CPLX2: variants seen among roughly 807,000 people sequenced by gnomAD.
CPLX2 encodes the protein complexin 2.
A neutral mutation model predicts 16.3 loss-of-function variants in CPLX2; 5 were observed. The observed-to-expected ratio is 0.31, with a 90% CI of 0.16 to 0.64. The LOEUF is 0.64. CPLX2 is among the 30% of genes least tolerant of loss of function. The pLI, the probability that CPLX2 is intolerant of heterozygous loss-of-function variation, is 0.79. For missense variants in CPLX2, 144 were observed against 181.4 expected (o/e 0.79, Z 1.18); for synonymous variants, 89 against 73.2 (o/e 1.22, Z -1.10).
At chr5:175,799,932 A>C (rs756349126) in intron 1 of CPLX2, among the ~76,000 whole-genome samples, 3 of 152,032 alleles carry the variant, frequency 2.0e-5, no homozygotes, top group Non-Finnish European at 2.9e-5. Flanking sequence ...CATGAGCAAA[A>C]GGCTGCACAG....
rs70988300 is a variant in CPLX2 at position 175,818,650 on chromosome 5, C to CTTTTTTTTTTT, written c.-89+9601_-89+9611dup. On this transcript the variant is annotated intron_variant, in intron 2 of 4. Transcript: ENST00000359546. ...CTGCAAAAGGAGCTGCTGTCCCAAC[C>CTTTTTTTTTTT]TTTTTTTTTTTTTTTTTTTTTTTTT... Among the ~76,000 whole-genome samples, 6 of 50,808 alleles carry CTTTTTTTTTTT rather than the reference C, an allele frequency of 1.2e-4. 1 individual carries two copies. Among genetic ancestry groups the CTTTTTTTTTTT allele is most frequent in the African/African-American group, 3.7e-4 (5 of 13,494 alleles). The allele number at this position is 50,808 out of a possible 152,430, so 33.3% of individuals were successfully genotyped here.
At chr5:175,835,362 G>A (rs925458397) in intron 2 of CPLX2, among the ~76,000 whole-genome samples, 3 of 152,194 alleles carry the variant, frequency 2.0e-5, no homozygotes, top group African/African-American at 7.2e-5. Context: ...ATGCCTCACT[G>A]GTAAATTCTA....
chr5:175,800,922 G>A lies in CPLX2; in HGVS notation c.-169+4138G>A, dbSNP rs575950636. ...CCTGAATGACAAAAGTCAGTCATGT[G>A]ACAACGTGGGGCAGCACACTCCAGG... On this transcript the variant is annotated intron_variant, in intron 1 of 4. Coordinates refer to the CPLX2 transcript ENST00000359546. Among the ~76,000 whole-genome samples the A allele has an allele frequency of 3.3e-5, 5 of 152,348 alleles. No homozygotes were observed. In the South Asian group the frequency reaches 1.0e-3, roughly 32 times the overall value.
intron 1 of CPLX2, among the ~76,000 whole-genome samples, chr5:175,807,925 C>T (rs771812271): frequency 2.6e-5 from 4 of 152,192 alleles, no homozygotes; most frequent in East Asian, 1.9e-4. Context: ...CTGGGCCAAC[C>T]GTTCATGCCT....
intron 1 of CPLX2, among the ~76,000 whole-genome samples, chr5:175,797,376 C>T (rs1213837996): frequency 9.0e-6 from 1 of 111,114 alleles, no homozygotes; most frequent in Non-Finnish European, 1.8e-5. Context: ...TGGCGGGGCC[C>T]AGCTAAGAGT....
intron 1 of CPLX2, among the ~76,000 whole-genome samples, chr5:175,803,601 G>A (rs1758139916): frequency 6.6e-6 from 1 of 152,234 alleles, no homozygotes; most frequent in Non-Finnish European, 1.5e-5. Context: ...TGAGCAAGGA[G>A]GAGAGTCACA....
chr5:175,799,390 C>T (rs1210372414), intron 1 of CPLX2, among the ~76,000 whole-genome samples: 1 of 151,796 alleles, frequency 6.6e-6, no homozygotes, highest in Non-Finnish European at 1.5e-5. Flanking sequence ...GATCTTTGAA[C>T]TCATAAACTT....
intron 2 of CPLX2, among the ~76,000 whole-genome samples, chr5:175,848,848 T>C (rs1759098904): frequency 6.6e-6 from 1 of 152,024 alleles, no homozygotes; most frequent in African/African-American, 2.4e-5. Context: ...GCAGAGAGCA[T>C]GTGCAAAGGT....
At chr5:175,800,978 T>G (rs1758082843) in intron 1 of CPLX2, among the ~76,000 whole-genome samples, 1 of 151,960 alleles carries the variant, frequency 6.6e-6, no homozygotes, top group African/African-American at 2.4e-5. Flanking sequence ...GAGGCCCTAA[T>G]GTGAGCCTGG....
chr5:175,857,956 G>A (rs560558950), intron 2 of CPLX2, among the ~76,000 whole-genome samples: 23 of 152,328 alleles, frequency 1.5e-4, no homozygotes, highest in African/African-American at 5.3e-4. Context: ...TGGTAGCTGT[G>A]TGCCTCCCAG....
intron 1 of CPLX2, among the ~76,000 whole-genome samples, chr5:175,877,160 C>T (rs574014193): frequency 6.6e-6 from 1 of 152,114 alleles, no homozygotes; most frequent in South Asian, 2.1e-4. Context: ...GTAAGTATAG[C>T]TGCCTGGATT....
intron 2 of CPLX2, among the ~76,000 whole-genome samples, chr5:175,847,540 G>A (rs1019124572): frequency 1.3e-5 from 2 of 152,206 alleles, no homozygotes; most frequent in Non-Finnish European, 2.9e-5. Context: ...CAAGTCCAGC[G>A]CTCTTCCATC....
Position 175,872,615 on chromosome 5 carries a change from C to T in CPLX2, c.-89+910C>T, listed in dbSNP as rs748723997. 2.5e-4 allele frequency among the ~76,000 whole-genome samples: 38 copies of T among 152,120 alleles called. No homozygotes were observed. The highest frequency in any genetic ancestry group is 4.7e-4 in the Non-Finnish European group (32 of 68,012). On this transcript the variant is annotated intron_variant, in intron 1 of 3. Transcript: ENST00000393745. This position sits in a 1 kb window ranked among gnomAD's most constrained non-coding sequence, Gnocchi z 5.0. The stretch of plus-strand genomic sequence containing the variant: ...CCCCCGGCCACTTCCGCTTTTCAGC[C>T]GGAGTCGGCTCCCTACCTCCTCCCA...
At chr5:175,814,875 G>T (rs965883977) in intron 2 of CPLX2, among the ~76,000 whole-genome samples, 3 of 152,186 alleles carry the variant, frequency 2.0e-5, no homozygotes, top group Non-Finnish European at 4.4e-5. Context: ...AGCCCCAGGA[G>T]GGAGACAGCT....
intron 2 of CPLX2, among the ~76,000 whole-genome samples, chr5:175,824,898 G>A (rs1758583324): frequency 6.6e-6 from 1 of 152,192 alleles, no homozygotes; most frequent in South Asian, 2.1e-4. Context: ...CTGTGATGGA[G>A]GCGAGGAGAT....
At chr5:175,853,304 A>G (rs557834759) in intron 2 of CPLX2, among the ~76,000 whole-genome samples, 1 of 152,300 alleles carries the variant, frequency 6.6e-6, no homozygotes, top group African/African-American at 2.4e-5. Context: ...TGGCTCCTCA[A>G]TTCTGGGCCA....
At chr5:175,846,625 G>A (rs187686869) in intron 2 of CPLX2, among the ~76,000 whole-genome samples, 1 of 152,322 alleles carries the variant, frequency 6.6e-6, no homozygotes, top group African/African-American at 2.4e-5. Flanking sequence ...AAAGAGGCTT[G>A]CTCAAGTTGT....
rs957874311 is a variant in CPLX2 at position 175,878,479 on chromosome 5, G to C, written c.-88-173G>C. ...GCTATTTGGCAGCACCTACGTGTCT[G>C]CCCAGTAAATCGCTCTCTTCCATCT... On this transcript the variant is annotated intron_variant, in intron 1 of 3. Transcript: ENST00000393745. 37 of 577,958 alleles carry C rather than the reference G, an allele frequency of 6.4e-5. No homozygotes were observed. The South Asian group carries it at 8.1e-4, about 13-fold the overall frequency. 35.8% of individuals were successfully genotyped at this position (577,958 alleles called of 1,614,324 possible).
At chr5:175,862,640 T>G (rs1042810064) in intron 2 of CPLX2, among the ~76,000 whole-genome samples, 1 of 152,260 alleles carries the variant, frequency 6.6e-6, no homozygotes, top group Non-Finnish European at 1.5e-5. Flanking sequence ...GACTTTATAC[T>G]GAAGGCAATG....
Sources: allele counts gnomAD v4.1 joint callset (sites outside exome capture counted in the v4.1 genomes callset), GRCh38; gene constraint gnomAD v4.1.1; non-coding constraint Gnocchi (gnomAD v3.1); transcripts MANE v1.5; gene names NCBI Gene and HGNC (gene_info 2026-07-23, HGNC 2026-07-21).